The following ZNF69 variants were observed in gnomAD, a reference collection of about 807,000 sequenced individuals.
ZNF69 encodes ZNF3.
ZNF69 carries 47 observed loss-of-function variants against 50.9 expected under a neutral mutation model. The observed-to-expected ratio is 0.92, with a 90% CI of 0.73 to 1.18. The LOEUF is 1.18. ZNF69 is among the 50% of genes most tolerant of loss of function. The pLI, the probability that ZNF69 is intolerant of heterozygous loss-of-function variation, is 0.00. For missense variants in ZNF69, 717 were observed against 675.1 expected (o/e 1.06, Z -0.69); for synonymous variants, 216 against 223.1 (o/e 0.97, Z 0.29).
chr19:11,923,582 C>T, the ZNF69 span, among the ~76,000 whole-genome samples: 54 of 152,314 alleles, frequency 3.5e-4, no homozygotes, highest in Middle Eastern at 3.4e-3. Context: ...CTCCCACCAG[C>T]CTGGCCTGGA....
At chr19:11,925,495 C>T in the ZNF69 span, among the ~76,000 whole-genome samples, 6 of 152,264 alleles carry the variant, frequency 3.9e-5, no homozygotes, top group African/African-American at 1.4e-4. Context: ...CGACTGCGGC[C>T]GCGGCCCCTG....
In ZNF69 at chr19:11,906,538, C is replaced by G. The variant is rs1972377589; in HGVS notation, c.*440C>G. On this transcript the variant is annotated 3_prime_UTR_variant, in exon 4 of 4. Transcript: ENST00000429654. ...CTGCAATATTTGCTGTTCTGCAGCCCCTGCTGGTGATACCCAGGCAAACAG... is the reference window on the plus strand; with the variant it reads ...CTGCAATATTTGCTGTTCTGCAGCCGCTGCTGGTGATACCCAGGCAAACAG... Among the ~76,000 whole-genome samples the G allele has an allele frequency of 6.6e-6, 1 of 152,180 alleles. No homozygotes were observed. Among genetic ancestry groups the G allele is most frequent in the Non-Finnish European group, 1.5e-5 (1 of 68,030 alleles).
chr19:11,947,246 T>C, the ZNF69 span: 2 of 1,614,120 alleles, frequency 1.2e-6, no homozygotes, highest in Non-Finnish European at 8.5e-7. Flanking sequence ...TGCTGGATAT[T>C]TCCCAGAAGA....
the ZNF69 span, among the ~76,000 whole-genome samples, chr19:11,951,236 GT>G: frequency 0.017 from 2,387 of 136,968 alleles, 78 homozygotes; most frequent in African/African-American, 0.06. Context: ...GCTGGTTTTT[GT>G]TTTTTTTTTT....
the ZNF69 span, among the ~76,000 whole-genome samples, chr19:11,921,606 C>T: frequency 4.6e-5 from 7 of 151,736 alleles, no homozygotes; most frequent in Non-Finnish European, 8.8e-5. Flanking sequence ...CGGGTTCAAG[C>T]GATTCTCTGC....
At chr19:11,924,055 T>G in the ZNF69 span, among the ~76,000 whole-genome samples, 259 of 152,286 alleles carry the variant, frequency 1.7e-3, 1 homozygote, top group Non-Finnish European at 2.8e-3. Flanking sequence ...CTTTCTGGTG[T>G]TGTACCTCTG....
chr19:11,948,896 G>C, the ZNF69 span: 3 of 1,604,026 alleles, frequency 1.9e-6, no homozygotes, highest in Non-Finnish European at 1.7e-6. Flanking sequence ...CATAGTTCTA[G>C]TTCCTATCAT....
At chr19:11,939,542 G>A in the ZNF69 span, among the ~76,000 whole-genome samples, 2 of 152,162 alleles carry the variant, frequency 1.3e-5, no homozygotes, top group African/African-American at 4.8e-5. Context: ...TTGTATATGT[G>A]TGGTATTATT....
chr19:11,975,484 G>A, the ZNF69 span, among the ~76,000 whole-genome samples: 18 of 150,566 alleles, frequency 1.2e-4, no homozygotes, highest in East Asian at 5.8e-4. Context: ...TGCAAGTTCC[G>A]CTTCCCGGGT....
At chr19:11,938,425 C>G in the ZNF69 span, among the ~76,000 whole-genome samples, 4 of 152,122 alleles carry the variant, frequency 2.6e-5, no homozygotes, top group Non-Finnish European at 5.9e-5. Flanking sequence ...TGATGTTCCC[C>G]TCCCTGGGTC....
At chr19:11,933,278 A>G in the ZNF69 span, among the ~76,000 whole-genome samples, 1 of 148,274 alleles carries the variant, frequency 6.7e-6, no homozygotes, top group African/African-American at 2.6e-5. Context: ...TTTTAAACCA[A>G]GGAAACCATA....
chr19:11,899,985 G>A (rs989422763), intron 1 of ZNF69, among the ~76,000 whole-genome samples: 5 of 151,746 alleles, frequency 3.3e-5, no homozygotes, highest in South Asian at 2.1e-4. Context: ...ACGGAGTTTC[G>A]TTCTTGTTGC....
rs536718864 is a variant in ZNF69, at chr19:11,905,266, G to C, written c.869G>C (p.Cys290Ser). The C allele has an allele frequency of 3.6e-4, 589 of 1,613,860 alleles. 1 individual carries two copies. Among genetic ancestry groups the C allele is most frequent in the South Asian group, 1.9e-3 (175 of 91,056 alleles). ...GGGAAAGCATTTCATAGTCCCAGAT[G>C]CTATCGTAGACATGAAAGGATTCAC... ...QCGKAFHSPR[C>S]YRRHERIHTG... Residue 290 changes from cysteine to serine, a missense_variant, in exon 4 of 4, where the codon TGC becomes TCC. Physicochemically the swap from Cys to Ser is moderately radical, Grantham distance 112. Transcript: ENST00000429654.
chr19:11,944,804 G>C, the ZNF69 span, among the ~76,000 whole-genome samples: 1 of 152,224 alleles, frequency 6.6e-6, no homozygotes, highest in Non-Finnish European at 1.5e-5. Flanking sequence ...CTGTGCCACT[G>C]TTTCAGCAAG....
downstream of ZNF69, among the ~76,000 whole-genome samples, chr19:11,910,160 C>T (rs538405310): frequency 2.6e-5 from 4 of 152,092 alleles, no homozygotes; most frequent in African/African-American, 4.8e-5. Context: ...CACTGCTCAA[C>T]GAAATCAAAG....
At chr19:11,956,871 C>T in the ZNF69 span, among the ~76,000 whole-genome samples, 1 of 151,962 alleles carries the variant, frequency 6.6e-6, no homozygotes, top group Non-Finnish European at 1.5e-5. Context: ...ATAAAGCTCA[C>T]CTGGTTCTTC....
At chr19:11,909,971 A>G (rs1393013137), downstream of ZNF69, among the ~76,000 whole-genome samples, 1 of 151,006 alleles carries the variant, frequency 6.6e-6, no homozygotes, top group African/African-American at 2.4e-5. Flanking sequence ...ACTTCAGCAA[A>G]GTCTCAGGAT....
At chr19:11,939,626 A>G in the ZNF69 span, among the ~76,000 whole-genome samples, 2 of 152,024 alleles carry the variant, frequency 1.3e-5, no homozygotes, top group Non-Finnish European at 2.9e-5. Context: ...GCGCCTGGCT[A>G]ATTTTTGTAT....
chr19:11,912,919 A>C (rs1023156122), intron 4 of ZNF69, among the ~76,000 whole-genome samples: 3 of 152,214 alleles, frequency 2.0e-5, no homozygotes, highest in African/African-American at 7.2e-5. Context: ...TATAATAGTA[A>C]GGCCGGGTGC....
Sources: allele counts gnomAD v4.1 joint callset (sites outside exome capture counted in the v4.1 genomes callset), GRCh38; gene constraint gnomAD v4.1.1; transcripts MANE v1.5; gene names NCBI Gene and HGNC (gene_info 2026-07-23, HGNC 2026-07-21).